NISCH: variants seen among roughly 807,000 people sequenced by gnomAD.
NISCH encodes the protein nischarin, also known as I-1 receptor candidate protein.
NISCH carries 55 observed loss-of-function variants against 138.4 expected under a neutral mutation model. The ratio of observed to expected loss-of-function variants is 0.40; its 90% CI spans 0.32 to 0.50. The LOEUF is 0.50. Among genes scored for constraint, NISCH ranks in the 20% least tolerant of loss-of-function variants. The pLI, the probability that NISCH is intolerant of heterozygous loss-of-function variation, is 0.71. For synonymous variants in NISCH, 860 were observed against 861.5 expected (o/e 1.00, Z 0.03); for missense variants, 1,643 against 2,005.5 (o/e 0.82, Z 3.45).
rs1453974630 is a variant in NISCH, at chr3:52,479,830, G to A, written c.1384G>A (p.Val462Ile). The A allele has an allele frequency of 6.2e-7, 1 of 1,613,638 alleles. No individual in the cohort carries two copies. Among genetic ancestry groups the A allele is most frequent in the African/African-American group, 1.3e-5 (1 of 74,908 alleles). Residue 462 changes from valine to isoleucine, a missense_variant, in exon 12 of 21, where the codon GTC becomes ATC. Coordinates refer to ENST00000345716, the MANE Select transcript of NISCH (RefSeq NM_007184.4). Reference sequence around the variant, plus strand: ...GAAAGCAATTCAGAAAGCCAAGGAGGTCAAGTCCAAACTGAGCAACCCAGA... The same window carrying A: ...GAAAGCAATTCAGAAAGCCAAGGAGATCAAGTCCAAACTGAGCAACCCAGA... Reference protein sequence around the residue: ...VLKAIQKAKEVKSKLSNPEKK... With the variant: ...VLKAIQKAKEIKSKLSNPEKK...
intron 1 of NISCH, among the ~76,000 whole-genome samples, chr3:52,456,138 A>C (rs1346631116): frequency 6.6e-6 from 1 of 152,012 alleles, no homozygotes; most frequent in Admixed American, 6.6e-5. Context: ...TCTCTGATGG[A>C]TGGAATCAGG....
At position 52,491,509 on chromosome 3, in the gene NISCH, C is replaced by G. The variant is rs1331389710; in HGVS notation, c.3900C>G (p.Thr1300=). ...KDFYSEFGNK[T]TGKMENYELI... is the part of the protein sequence containing the mutation. ...TCTACTCCGAGTTTGGGAACAAGACCACAGGTACCCCTGTCTAGCTCAGGC... is the reference window on the plus strand; with the variant it reads ...TCTACTCCGAGTTTGGGAACAAGACGACAGGTACCCCTGTCTAGCTCAGGC... Residue 1300 remains threonine (T), a synonymous_variant, in exon 20 of 21, where the codon ACC becomes ACG. Transcript: ENST00000345716. 2 of 1,611,182 alleles carry G rather than the reference C, an allele frequency of 1.2e-6. No homozygotes were observed. Among genetic ancestry groups the G allele is most frequent in the Admixed American group, 3.3e-5 (2 of 59,800 alleles).
chr3:52,487,619 G>C lies in NISCH; in HGVS notation c.2127G>C (p.Lys709Asn), dbSNP rs1471383379. The change falls in exon 16 of 21, where the codon AAG (lysine) becomes AAC (asparagine). Residue 709 changes from lysine to asparagine, a missense_variant. Transcript: ENST00000345716. This position sits in a 1 kb window ranked among gnomAD's most constrained non-coding sequence, Gnocchi z 9.1. ...TGCTGGAGCACATCCGCATCCTCAA[G>C]GTGCTGTGGTGCTTCCTGATCCATG... is the stretch of plus-strand genomic sequence containing the variant. Reference protein sequence around the residue: ...DFLLEHIRILKVLWCFLIHVQ... With the variant: ...DFLLEHIRILNVLWCFLIHVQ... The C allele has an allele frequency of 1.2e-6, 2 of 1,613,800 alleles. No individual in the cohort carries two copies. Among genetic ancestry groups the C allele is most frequent in the African/African-American group, 1.3e-5 (1 of 74,900 alleles).
intron 3 of NISCH, among the ~76,000 whole-genome samples, chr3:52,469,684 CA>C (rs1706885539): frequency 1.3e-5 from 2 of 151,992 alleles, no homozygotes; most frequent in Non-Finnish European, 2.9e-5. Flanking sequence ...GTGGCTGAGG[CA>C]GGGTGGATAA....
chr3:52,470,771 A>G (rs1429729424), intron 3 of NISCH, 88 bp from the exon 4 acceptor site: 5 of 1,081,334 alleles, frequency 4.6e-6, no homozygotes, highest in Non-Finnish European at 7.2e-6. Context: ...TGGCACTGGC[A>G]CAACAGAGGG....
chr3:52,491,811 G>C, intron 20 of NISCH, 61 bp from the exon 21 acceptor site: 1 of 1,520,678 alleles, frequency 6.6e-7, no homozygotes. Context: ...GGGGCCCTTG[G>C]TGCTCCCAGC....
chr3:52,481,722 AG>A, intron 13 of NISCH: 1 of 985,584 alleles, frequency 1.0e-6, no homozygotes, highest in Non-Finnish European at 1.2e-6. Context: ...CCATGTCCCC[AG>A]GCTGCAGCTG....
chr3:52,492,276 G>A lies in NISCH; in HGVS notation c.4309G>A (p.Val1437Met), dbSNP rs753661023. ...PQALTLVFDD[V>M]QGHDLMGSVT... The stretch of plus-strand genomic sequence containing the variant: ...GGCCCTCACCCTCGTCTTCGATGAC[G>A]TGCAAGGTCATGACCTCATGGGCAG... The change falls in exon 21 of 21, where the codon GTG (valine) becomes ATG (methionine). Residue 1437 changes from valine to methionine, a missense_variant. By Grantham distance (21) the Val-to-Met change is conservative (BLOSUM62 1). Transcript: ENST00000345716. 46 of 1,613,206 alleles carry A rather than the reference G, an allele frequency of 2.9e-5. No homozygotes were observed. The highest frequency in any genetic ancestry group is 3.6e-5 in the Non-Finnish European group (42 of 1,180,042).
In NISCH at chr3:52,487,050, G is replaced by T; in HGVS notation, c.1704-146G>T. The T allele has an allele frequency of 1.1e-6, 1 of 897,320 alleles. No individual in the cohort carries two copies. The highest frequency in any genetic ancestry group is 1.7e-6 in the Non-Finnish European group (1 of 602,772). 55.6% of individuals were successfully genotyped at this position (897,320 alleles called of 1,614,324 possible). On this transcript the variant is annotated intron_variant, in intron 15 of 20. Transcript: ENST00000345716. The surrounding 1 kb of genome is among the most constrained non-coding windows in gnomAD (Gnocchi z 9.1). ...GCTCCCACCAGGGCCCTCATCCTGG[G>T]AACTGACTTGGCCATGTGGGAGGCT...
chr3:52,484,462 T>TTGGGGGGGCCCCCCC, intron 13 of NISCH, 51 bp from the exon 14 acceptor site: 1 of 788,670 alleles, frequency 1.3e-6, no homozygotes, highest in Non-Finnish European at 1.8e-6. Context: ...ACAGCCGCTC[T>TTGGGGGGGCCCCCCC]CCCCGCCCCA....
intron 9 of NISCH, 161 bp from the exon 10 acceptor site, chr3:52,477,936 G>A (rs1047289357): frequency 3.9e-6 from 3 of 773,156 alleles, no homozygotes; most frequent in Non-Finnish European, 6.3e-6. Context: ...GCTGTGGCAT[G>A]TGCGGCAGAG....
chr3:52,470,733 C>T, intron 3 of NISCH, 126 bp from the exon 4 acceptor site: 2 of 797,558 alleles, frequency 2.5e-6, no homozygotes, highest in Admixed American at 3.9e-5. Flanking sequence ...TTATGCCCTC[C>T]TTTCTTTAGT....
rs1353518920 is a variant in NISCH, at chr3:52,485,772, C to T, written c.1654-6C>T. The T allele has an allele frequency of 7.0e-6, 11 of 1,576,704 alleles. No individual in the cohort carries two copies. Among genetic ancestry groups the T allele is most frequent in the Admixed American group, 1.8e-5 (1 of 55,114 alleles). On this transcript the variant is annotated splice_region_variant and splice_polypyrimidine_tract_variant and intron_variant, in intron 14 of 20. Transcript: ENST00000345716. ...TGGGGACTGACTGTGTTTCTTTCTC[C>T]ATCAGGCAGCTTCCGATGATTTAAG...
chr3:52,480,912 C>A (rs977322451), intron 13 of NISCH: 2 of 1,534,454 alleles, frequency 1.3e-6, no homozygotes, highest in East Asian at 4.9e-5. Flanking sequence ...AAGCAGGTCT[C>A]ATGAGCGTGT....
At chr3:52,471,685 G>C (rs1396182210) in intron 4 of NISCH, 129 bp from the exon 5 acceptor site, 2 of 1,071,624 alleles carry the variant, frequency 1.9e-6, no homozygotes, top group African/African-American at 3.1e-5. Context: ...TGCATGCCCA[G>C]GGCGCTGGCT....
Position 52,455,789 on chromosome 3 carries a change from C to A in NISCH, c.93+55C>A, listed in dbSNP as rs1289029281. On this transcript the variant is annotated intron_variant, in intron 1 of 20. Coordinates refer to ENST00000345716, the MANE Select transcript of NISCH (RefSeq NM_007184.4). ...GGGGTGGTGGCTGGAACCGGGAGTC[C>A]GACTCGGGGGCTTGGGGAGGGGTCC... 8 of 1,249,100 alleles carry A rather than the reference C, an allele frequency of 6.4e-6. No homozygotes were observed. In the South Asian group the frequency reaches 9.0e-5, roughly 14 times the overall value. The allele number at this position is 1,249,100 out of a possible 1,614,324, so 77.4% of individuals were successfully genotyped here. A position where few individuals can be genotyped will look rare whatever the true frequency, so the allele number is the denominator to read the frequency against.
intron 3 of NISCH, among the ~76,000 whole-genome samples, chr3:52,467,065 A>G (rs190605934): frequency 3.5e-4 from 53 of 149,480 alleles, no homozygotes; most frequent in African/African-American, 1.3e-3. Context: ...CAATGATGCA[A>G]TCTCGGCTCA....
At chr3:52,476,050 A>C in intron 7 of NISCH, 1 of 231,706 alleles carries the variant, frequency 4.3e-6, no homozygotes, top group South Asian at 5.9e-5. Flanking sequence ...AGACAGAAGG[A>C]TGGCTTGAGC....
At chr3:52,467,247 C>T (rs572024517) in intron 3 of NISCH, among the ~76,000 whole-genome samples, 16 of 152,064 alleles carry the variant, frequency 1.1e-4, no homozygotes, top group East Asian at 1.9e-4. Context: ...GTGATCCGCC[C>T]GCCTCGGCCT....
Sources: allele counts gnomAD v4.1 joint callset (sites outside exome capture counted in the v4.1 genomes callset), GRCh38; gene constraint gnomAD v4.1.1; non-coding constraint Gnocchi (gnomAD v3.1); transcripts MANE v1.5; gene names NCBI Gene and HGNC (gene_info 2026-07-23, HGNC 2026-07-21).